LIMS1: variants seen among roughly 807,000 people sequenced by gnomAD.
LIMS1 encodes LIM and senescent cell antigen-like-containing domain protein 1.
LIMS1 carries 18 observed loss-of-function variants against 44.1 expected under a neutral mutation model. The observed-to-expected ratio is 0.41, with a 90% CI of 0.28 to 0.61. The LOEUF is 0.61. Among genes scored for constraint, LIMS1 ranks in the 20% least tolerant of loss-of-function variants. The pLI, the probability that LIMS1 is intolerant of heterozygous loss-of-function variation, is 0.32. For synonymous variants in LIMS1, 93 were observed against 149.1 expected (o/e 0.62, Z 2.74); for missense variants, 201 against 422.0 (o/e 0.48, Z 4.59).
exon 10 of LIMS1, chr2:108,684,223 A>G (rs1333084296): frequency 4.1e-6 from 1 of 241,916 alleles, no homozygotes; most frequent in Non-Finnish European, 8.0e-6. Context: ...ATTTGTTGAC[A>G]TGTAGACTGT....
intron 1 of LIMS1, among the ~76,000 whole-genome samples, chr2:108,589,533 T>A (rs776120851): frequency 7.2e-5 from 11 of 152,174 alleles, no homozygotes; most frequent in Non-Finnish European, 1.0e-4. Flanking sequence ...ATCTTTGTTA[T>A]TTCCTTCCTC....
intron 1 of LIMS1, among the ~76,000 whole-genome samples, chr2:108,600,443 C>T (rs1686945439): frequency 6.6e-6 from 1 of 152,152 alleles, no homozygotes; most frequent in Non-Finnish European, 1.5e-5. Context: ...AATTTTTGCC[C>T]AGACCAATAT....
At chr2:108,596,899 T>A (rs1686726069) in intron 1 of LIMS1, among the ~76,000 whole-genome samples, 1 of 150,292 alleles carries the variant, frequency 6.7e-6, no homozygotes, top group Non-Finnish European at 1.5e-5. Context: ...TTCATTAATT[T>A]CCCTACGAAA....
chr2:108,656,603 GTGATTGTTC>G (rs1235782156), intron 1 of LIMS1, among the ~76,000 whole-genome samples: 1 of 151,176 alleles, frequency 6.6e-6, no homozygotes, highest in Non-Finnish European at 1.5e-5. Context: ...GGGCAGCAAG[GTGATTGTTC>G]TGTTTCCTTT....
At chr2:108,665,624 T>G in intron 2 of LIMS1, among the ~76,000 whole-genome samples, 1 of 152,134 alleles carries the variant, frequency 6.6e-6, no homozygotes, top group Non-Finnish European at 1.5e-5. Context: ...CCTCCTGGAT[T>G]CAAGCGATTC....
intron 1 of LIMS1, among the ~76,000 whole-genome samples, chr2:108,537,070 G>C (rs1484226960): frequency 6.6e-6 from 1 of 152,174 alleles, no homozygotes; most frequent in Non-Finnish European, 1.5e-5. Flanking sequence ...AGTACATAAA[G>C]GTAAAGAATT....
At chr2:108,645,016 T>A (rs981598857) in intron 1 of LIMS1, among the ~76,000 whole-genome samples, 2 of 151,962 alleles carry the variant, frequency 1.3e-5, no homozygotes, top group Non-Finnish European at 2.9e-5. Flanking sequence ...GACCAGATCT[T>A]TGTTTGATTG....
At chr2:108,629,093 A>G (rs1439507444) in intron 1 of LIMS1, among the ~76,000 whole-genome samples, 1 of 152,232 alleles carries the variant, frequency 6.6e-6, no homozygotes, top group African/African-American at 2.4e-5. Context: ...AGCTGTTTAA[A>G]GGAAGACTGT....
At chr2:108,637,166 A>T (rs1325732226) in intron 1 of LIMS1, among the ~76,000 whole-genome samples, 1 of 144,850 alleles carries the variant, frequency 6.9e-6, no homozygotes, top group Non-Finnish European at 1.5e-5. Context: ...CCTCTGCTTC[A>T]TCCTGGTCAG....
At chr2:108,562,470 A>C (rs1053085001) in intron 1 of LIMS1, among the ~76,000 whole-genome samples, 1 of 152,228 alleles carries the variant, frequency 6.6e-6, no homozygotes, top group African/African-American at 2.4e-5. Flanking sequence ...ACAGCAAAAC[A>C]GCTTTATTGC....
intron 1 of LIMS1, among the ~76,000 whole-genome samples, chr2:108,549,523 T>C (rs1430906766): frequency 6.6e-6 from 1 of 151,894 alleles, no homozygotes; most frequent in East Asian, 1.9e-4. Context: ...AGTACAGTGT[T>C]TGCTTTCTCC....
rs1685064351 is a variant in LIMS1 at position 108,560,169 on chromosome 2, A to G, written c.32+25575A>G. 2.0e-5 allele frequency among the ~76,000 whole-genome samples: 3 copies of G among 152,126 alleles called. No homozygotes were observed. The South Asian group carries it at 6.2e-4, about 32-fold the overall frequency. On this transcript the variant is annotated intron_variant, in intron 1 of 9. Transcript: ENST00000544547. ...ATGATGAGGTTGCTGTCACCTCTCA[A>G]CTGGACTGTTTTATTAGCTTCCTAA... is the stretch of plus-strand genomic sequence containing the variant.
intron 1 of LIMS1, among the ~76,000 whole-genome samples, chr2:108,616,746 A>G (rs1000186860): frequency 2.0e-5 from 3 of 152,120 alleles, no homozygotes; most frequent in Non-Finnish European, 4.4e-5. Flanking sequence ...CCTACTCGCA[A>G]TGGTACATCG....
intron 7 of LIMS1, 138 bp from the exon 8 acceptor site, chr2:108,677,841 A>G: frequency 7.2e-7 from 1 of 1,390,716 alleles, no homozygotes; most frequent in Non-Finnish European, 9.6e-7. Context: ...GTAAGAAGTA[A>G]AAACTTGTCA....
At chr2:108,559,109 C>T (rs1474852029) in intron 1 of LIMS1, among the ~76,000 whole-genome samples, 1 of 152,176 alleles carries the variant, frequency 6.6e-6, no homozygotes, top group Non-Finnish European at 1.5e-5. Context: ...ATATCACTTC[C>T]ACGAAATTAT....
At chr2:108,597,173 T>C (rs1030348648) in intron 1 of LIMS1, among the ~76,000 whole-genome samples, 1 of 151,958 alleles carries the variant, frequency 6.6e-6, no homozygotes, top group Admixed American at 6.5e-5. Context: ...CCTCCAAAAG[T>C]GCTGAGATTA....
At chr2:108,583,145 G>A (rs972796953) in intron 1 of LIMS1, among the ~76,000 whole-genome samples, 12 of 151,698 alleles carry the variant, frequency 7.9e-5, no homozygotes, top group Admixed American at 6.6e-4. Flanking sequence ...TTCAAGCAAT[G>A]CCTCAGCCTC....
intron 1 of LIMS1, among the ~76,000 whole-genome samples, chr2:108,610,179 TGTGTGTGTGTGTGTG>T (rs1573439354): frequency 2.0e-5 from 3 of 151,408 alleles, no homozygotes; most frequent in East Asian, 1.9e-4. Context: ...TGTGTGTGTG[TGTGTGTGTGTGTGTG>T]TATTATTATA....
intron 1 of LIMS1, among the ~76,000 whole-genome samples, chr2:108,643,631 G>A (rs999386397): frequency 4.0e-5 from 6 of 151,086 alleles, no homozygotes; most frequent in South Asian, 4.2e-4. Flanking sequence ...AGTTTTTTTC[G>A]TGCCCCAGTG....
Sources: allele counts gnomAD v4.1 joint callset (sites outside exome capture counted in the v4.1 genomes callset), GRCh38; gene constraint gnomAD v4.1.1; transcripts MANE v1.5; gene names NCBI Gene and HGNC (gene_info 2026-07-23, HGNC 2026-07-21).